LHCGR: variants seen among roughly 807,000 people sequenced by gnomAD.
LHCGR encodes the protein lutropin-choriogonadotropic hormone receptor.
In LHCGR, 55 loss-of-function variants were observed where a neutral mutation model predicts 60.7. The observed-to-expected ratio is 0.91, with a 90% CI of 0.73 to 1.13. LHCGR has a LOEUF of 1.13. LHCGR is among the 50% of genes most tolerant of loss of function. The probability of loss-of-function intolerance (pLI) is 0.00; values close to 1 mark genes in which losing one functional copy is unlikely to be tolerated. For missense variants in LHCGR, 862 were observed against 836.0 expected (o/e 1.03, Z -0.38); for synonymous variants, 337 against 316.5 (o/e 1.06, Z -0.69).
At chr2:48,696,446 A>G (rs1452342450) in intron 9 of LHCGR, among the ~76,000 whole-genome samples, 2 of 152,252 alleles carry the variant, frequency 1.3e-5, no homozygotes, top group Non-Finnish European at 2.9e-5. Context: ...TTTCCTTTTC[A>G]TAAGTTTCAA....
intron 7 of LHCGR, among the ~76,000 whole-genome samples, chr2:48,710,313 A>C (rs1477432692): frequency 6.6e-6 from 1 of 152,112 alleles, no homozygotes; most frequent in Non-Finnish European, 1.5e-5. Flanking sequence ...CTAAACCTCC[A>C]TGGCTCTTCT....
intron 1 of LHCGR, among the ~76,000 whole-genome samples, chr2:48,746,943 G>T (rs1183451014): frequency 1.3e-5 from 2 of 152,262 alleles, no homozygotes; most frequent in African/African-American, 4.8e-5. Context: ...TGTTGCCAAG[G>T]CAGTGACATT....
chr2:48,733,414 G>T (rs981857587), intron 1 of LHCGR, among the ~76,000 whole-genome samples: 1 of 152,144 alleles, frequency 6.6e-6, no homozygotes, highest in Non-Finnish European at 1.5e-5. Flanking sequence ...AGCAAAGGTC[G>T]GACAGAAGTG....
intron 1 of LHCGR, among the ~76,000 whole-genome samples, chr2:48,743,180 C>T (rs1669549723): frequency 6.6e-6 from 1 of 152,272 alleles, no homozygotes; most frequent in East Asian, 1.9e-4. Context: ...ATAACAGGAT[C>T]TGAAATTGTG....
chr2:48,688,734 C>T lies in LHCGR; in HGVS notation c.1063G>A (p.Asp355Asn). 3.1e-6 allele frequency: 5 copies of T among 1,614,132 alleles called. No homozygotes were observed. The highest frequency in any genetic ancestry group is 3.4e-6 in the Non-Finnish European group (4 of 1,180,006). The change falls in exon 11 of 11, where the codon GAT (aspartate) becomes AAT (asparagine). Residue 355 changes from aspartate to asparagine, a missense_variant. Coordinates refer to ENST00000294954, the MANE Select transcript of LHCGR (RefSeq NM_000233.4). The surrounding 1 kb of genome is among the most constrained non-coding windows in gnomAD (Gnocchi z 5.2). ...CTAAGGAAGTCATAGCCCATAATAT[C>T]TTCACAGGGATTAAAAGCATCTGGT... ...PEPDAFNPCE[D>N]IMGYDFLRVL...
At position 48,686,891 on chromosome 2, in the gene LHCGR, G is replaced by A. The variant is rs1179323149; in HGVS notation, c.*806C>T. ...GTAATTCTAACTCAGCACATTTGTA[G>A]TGTACCATTGCCAAGATCTTGAGGT... On this transcript the variant is annotated 3_prime_UTR_variant, in exon 11 of 11. Coordinates refer to ENST00000294954, the MANE Select transcript of LHCGR (RefSeq NM_000233.4). 2 of 152,082 alleles carry A rather than the reference G, an allele frequency of 1.3e-5. No individual in the cohort carries two copies. The highest frequency in any genetic ancestry group is 3.9e-4 in the East Asian group (2 of 5,192). The allele number at this position is 152,082 out of a possible 1,614,324, so 9.4% of individuals were successfully genotyped here. A position where few individuals can be genotyped will look rare whatever the true frequency, so the allele number is the denominator to read the frequency against.
chr2:48,720,201 A>C (rs558757894), intron 6 of LHCGR: 1 of 152,312 alleles, frequency 6.6e-6, no homozygotes, highest in East Asian at 1.9e-4. Flanking sequence ...CACATACTGA[A>C]GTATGATGTG....
chr2:48,755,616 G>GGCTGCGGCTGCA lies in LHCGR; in HGVS notation c.55_56insTGCAGCCGCAGC (p.Gln18_Pro19insLeuGlnProGln), dbSNP rs376653903. ...CTCGCGCAGCGCTCGTGGCAGCGGC[G>GGCTGCGGCTGCA]GCTGCAGCAGCAGCAGCAGCTTCAG... is the stretch of plus-strand genomic sequence containing the variant. On this transcript the variant is annotated inframe_insertion, in exon 1 of 11. Transcript: ENST00000294954. 2.0e-6 allele frequency: 3 copies of GGCTGCGGCTGCA among 1,532,452 alleles called. No individual in the cohort carries two copies. Among genetic ancestry groups the GGCTGCGGCTGCA allele is most frequent in the Non-Finnish European group, 2.6e-6 (3 of 1,142,874 alleles). 94.9% of individuals were successfully genotyped at this position (1,532,452 alleles called of 1,614,324 possible).
At chr2:48,749,974 T>A (rs896165761) in intron 1 of LHCGR, among the ~76,000 whole-genome samples, 4 of 152,160 alleles carry the variant, frequency 2.6e-5, no homozygotes, top group Non-Finnish European at 4.4e-5. Flanking sequence ...ATCAGCAAGG[T>A]CAGGTTTAAG....
At chr2:48,723,391 C>A (rs956804849) in intron 6 of LHCGR, 65 bp downstream of exon 6, 28 of 1,143,924 alleles carry the variant, frequency 2.4e-5, no homozygotes, top group African/African-American at 4.6e-5. Flanking sequence ...AAAAGCTCAC[C>A]CCAACCTAGT....
chr2:48,721,954 A>T (rs1322367297), intron 6 of LHCGR, among the ~76,000 whole-genome samples: 1 of 152,144 alleles, frequency 6.6e-6, no homozygotes, highest in African/African-American at 2.4e-5. Context: ...GATGGAGACA[A>T]TCCTGTCCAA....
At chr2:48,690,288 A>C (rs138387334) in intron 10 of LHCGR, among the ~76,000 whole-genome samples, 11 of 152,336 alleles carry the variant, frequency 7.2e-5, no homozygotes, top group Non-Finnish European at 1.5e-4. Context: ...AGTGCTGCAG[A>C]ATTCAGAGAA....
intron 8 of LHCGR, among the ~76,000 whole-genome samples, chr2:48,703,080 G>C (rs1016911451): frequency 6.6e-6 from 1 of 152,228 alleles, no homozygotes; most frequent in Non-Finnish European, 1.5e-5. Context: ...CTTTTGAGAA[G>C]TGTCTGTTCA....
At chr2:48,737,302 A>G (rs1198911972) in intron 1 of LHCGR, among the ~76,000 whole-genome samples, 2 of 152,354 alleles carry the variant, frequency 1.3e-5, no homozygotes, top group African/African-American at 4.8e-5. Context: ...CTAAAACACT[A>G]CAAAATCAGA....
chr2:48,714,685 G>A (rs538355991), intron 6 of LHCGR, among the ~76,000 whole-genome samples: 2 of 152,114 alleles, frequency 1.3e-5, no homozygotes, highest in African/African-American at 4.8e-5. Context: ...AGTGATTAGG[G>A]TATTAATGTT....
At chr2:48,745,988 G>T (rs13432488) in intron 1 of LHCGR, among the ~76,000 whole-genome samples, 1 of 151,904 alleles carries the variant, frequency 6.6e-6, no homozygotes, top group Admixed American at 6.6e-5. Flanking sequence ...AGTTAAGAGC[G>T]CACACTCTGG....
chr2:48,694,495 T>C (rs1667021834), intron 9 of LHCGR, among the ~76,000 whole-genome samples, 191 bp from the exon 10 acceptor site: 1 of 152,198 alleles, frequency 6.6e-6, no homozygotes, highest in Non-Finnish European at 1.5e-5. Flanking sequence ...TTAGAGTGCT[T>C]CCAGCTTAGA....
chr2:48,721,574 T>G (rs955193843), intron 6 of LHCGR: 4 of 381,492 alleles, frequency 1.0e-5, no homozygotes, highest in Non-Finnish European at 2.1e-5. Flanking sequence ...TAAAATTACA[T>G]CTACACAAAG....
intron 8 of LHCGR, among the ~76,000 whole-genome samples, chr2:48,708,253 C>T (rs4374421): frequency 0.74 from 111,776 of 152,046 alleles, 41,461 homozygotes; most frequent in East Asian, 0.9. Context: ...AGCTCAGCCC[C>T]GTCCAACCAA....
Sources: gnomAD v4.1 joint callset for allele counts (sites outside exome capture counted in the v4.1 genomes callset) on GRCh38, gnomAD v4.1.1 for gene constraint, Gnocchi (gnomAD v3.1) non-coding constraint, MANE v1.5 for transcripts, NCBI Gene and HGNC (gene_info 2026-07-23, HGNC 2026-07-21) for gene names.